LAMA2: variants seen among roughly 807,000 people sequenced by gnomAD.
LAMA2 encodes the protein laminin subunit alpha 2.
Under a neutral mutation model 364.8 loss-of-function variants are expected in LAMA2, and 269 were observed. That is an observed-to-expected ratio of 0.74 (90% CI 0.67 to 0.82). The LOEUF (loss-of-function observed/expected upper bound fraction) is 0.82. LAMA2 is among the 40% of genes least tolerant of loss of function. The pLI is 0.00. For synonymous variants in LAMA2, 1,379 were observed against 1,370.6 expected (o/e 1.01, Z -0.14); for missense variants, 3,807 against 3,873.2 (o/e 0.98, Z 0.45).
chr6:129,211,111 C>A (rs1783074264), intron 12 of LAMA2, among the ~76,000 whole-genome samples: 1 of 152,108 alleles, frequency 6.6e-6, no homozygotes, highest in Non-Finnish European at 1.5e-5. Context: ...GAATATAATG[C>A]CAAATATAAT....
At chr6:129,511,961 C>A (rs1786620811) in intron 62 of LAMA2, among the ~76,000 whole-genome samples, 1 of 152,176 alleles carries the variant, frequency 6.6e-6, no homozygotes, top group Admixed American at 6.6e-5. Flanking sequence ...CTTTACCCAA[C>A]AGAGAGACTT....
chr6:128,935,733 A>G (rs1779774630), intron 1 of LAMA2, among the ~76,000 whole-genome samples: 1 of 152,186 alleles, frequency 6.6e-6, no homozygotes. Context: ...GTCATCTGCA[A>G]ACAGAGACAA....
At chr6:129,402,558 G>T in intron 39 of LAMA2, 71 bp downstream of exon 39, 2 of 1,418,106 alleles carry the variant, frequency 1.4e-6, no homozygotes, top group Non-Finnish European at 2.0e-6. Context: ...AGCATAAATA[G>T]TAGAGAATCA....
chr6:129,498,435 T>C (rs560206895), intron 58 of LAMA2, among the ~76,000 whole-genome samples: 1 of 152,230 alleles, frequency 6.6e-6, no homozygotes, highest in South Asian at 2.1e-4. Flanking sequence ...TATCAAGGAA[T>C]CCTTGTTTAG....
At chr6:128,950,688 T>C (rs142749906) in intron 1 of LAMA2, among the ~76,000 whole-genome samples, 263 of 152,186 alleles carry the variant, frequency 1.7e-3, no homozygotes, top group East Asian at 0.012. Context: ...TGTCTGTAAA[T>C]TGGGAATAAT....
chr6:129,204,394 G>T (rs1409610320), intron 12 of LAMA2, among the ~76,000 whole-genome samples: 1 of 151,736 alleles, frequency 6.6e-6, no homozygotes, highest in African/African-American at 2.4e-5. Flanking sequence ...GTTATAACTA[G>T]TCAGTATTCT....
At chr6:129,196,507 G>C (rs937131002) in intron 12 of LAMA2, among the ~76,000 whole-genome samples, 2 of 152,120 alleles carry the variant, frequency 1.3e-5, no homozygotes, top group East Asian at 3.9e-4. Flanking sequence ...GGAGTTGAAA[G>C]ATGAATTCTG....
At chr6:128,962,845 A>T (rs920995606) in intron 1 of LAMA2, among the ~76,000 whole-genome samples, 1 of 152,158 alleles carries the variant, frequency 6.6e-6, no homozygotes, top group East Asian at 1.9e-4. Flanking sequence ...TACTGGCTCT[A>T]TTTCTCTTCA....
intron 40 of LAMA2, among the ~76,000 whole-genome samples, chr6:129,421,126 A>G (rs751822157): frequency 6.6e-6 from 1 of 152,174 alleles, no homozygotes; most frequent in Non-Finnish European, 1.5e-5. Context: ...ACTAACATGT[A>G]TTAAAATGCA....
At chr6:129,250,079 T>C (rs760659941) in intron 12 of LAMA2, 33 bp from the exon 13 acceptor site, 2 of 1,239,034 alleles carry the variant, frequency 1.6e-6, no homozygotes, top group Non-Finnish European at 2.4e-6. Context: ...CCATCTCCTA[T>C]CCCGTAATGA....
chr6:129,235,949 T>C (rs1784954819), intron 12 of LAMA2, among the ~76,000 whole-genome samples: 1 of 152,202 alleles, frequency 6.6e-6, no homozygotes, highest in Non-Finnish European at 1.5e-5. Context: ...TCTGAAATAC[T>C]GTGCAATGTA....
rs1179597045 is a variant in LAMA2, at chr6:129,342,599, T to C, written c.4436+132T>C. The C allele has an allele frequency of 7.3e-6, 6 of 826,050 alleles. No individual in the cohort carries two copies. The Admixed American group carries it at 1.4e-4, about 19-fold the overall frequency. 51.2% of individuals were successfully genotyped at this position (826,050 alleles called of 1,614,324 possible). Reference sequence around the variant, plus strand: ...TTTAAGATAGAGATATTTTTAATAATATAGAAACATGACAAAAGTGAGTAT... The same window carrying C: ...TTTAAGATAGAGATATTTTTAATAACATAGAAACATGACAAAAGTGAGTAT... On this transcript the variant is annotated intron_variant, in intron 30 of 64. Coordinates refer to ENST00000421865, the MANE Select transcript of LAMA2 (RefSeq NM_000426.4).
intron 41 of LAMA2, among the ~76,000 whole-genome samples, chr6:129,431,332 G>A (rs1477348041): frequency 1.3e-5 from 2 of 151,528 alleles, no homozygotes. Context: ...CCAGGATACG[G>A]AGGTTACAGT....
At chr6:129,317,807 A>T (rs1774706029) in intron 27 of LAMA2, among the ~76,000 whole-genome samples, 1 of 152,128 alleles carries the variant, frequency 6.6e-6, no homozygotes, top group Admixed American at 6.6e-5. Context: ...TTGTTAGTGG[A>T]ACTGATAGAA....
At chr6:129,135,884 C>G (rs1249477298) in intron 4 of LAMA2, among the ~76,000 whole-genome samples, 1 of 152,146 alleles carries the variant, frequency 6.6e-6, no homozygotes, top group Non-Finnish European at 1.5e-5. Flanking sequence ...CTTCTTTTAT[C>G]TGTGTAATTA....
intron 1 of LAMA2, among the ~76,000 whole-genome samples, chr6:129,042,439 C>T (rs755243228): frequency 3.3e-5 from 5 of 152,070 alleles, no homozygotes; most frequent in South Asian, 4.2e-4. Flanking sequence ...TACTGCAAAC[C>T]TCATTCCTAT....
intron 37 of LAMA2, among the ~76,000 whole-genome samples, chr6:129,398,858 G>A (rs1779806970): frequency 6.6e-6 from 1 of 152,142 alleles, no homozygotes; most frequent in Non-Finnish European, 1.5e-5. Context: ...TGTCTTTATG[G>A]AATTTGTGTT....
At chr6:129,075,080 A>T (rs188824175) in intron 3 of LAMA2, among the ~76,000 whole-genome samples, 2 of 152,346 alleles carry the variant, frequency 1.3e-5, no homozygotes, top group Admixed American at 1.3e-4. Context: ...TCATGAAAAA[A>T]AAAGCATAAG....
At chr6:129,324,961 G>T (rs117604530) in intron 28 of LAMA2, among the ~76,000 whole-genome samples, 1 of 152,080 alleles carries the variant, frequency 6.6e-6, no homozygotes. Flanking sequence ...AATTAAACTC[G>T]GGTCTGCCTG....
Sources: allele counts gnomAD v4.1 joint callset (sites outside exome capture counted in the v4.1 genomes callset), GRCh38; gene constraint gnomAD v4.1.1; transcripts MANE v1.5; gene names NCBI Gene and HGNC (gene_info 2026-07-23, HGNC 2026-07-21).